The following TET3 variants were observed in gnomAD, a reference collection of about 807,000 sequenced individuals.
TET3 encodes methylcytosine dioxygenase TET3.
Under a neutral mutation model 141.4 loss-of-function variants are expected in TET3, and 19 were observed. The ratio of observed to expected loss-of-function variants is 0.13; its 90% CI spans 0.09 to 0.20. TET3 has a LOEUF of 0.20. Among genes scored for constraint, TET3 ranks in the 10% least tolerant of loss-of-function variants. TET3 has a pLI of 1.00. For synonymous variants in TET3, 1,043 were observed against 980.9 expected (o/e 1.06, Z -1.18); for missense variants, 1,874 against 2,356.9 (o/e 0.80, Z 4.24).
At chr2:74,039,893 T>C (rs1687254006) in intron 3 of TET3, among the ~76,000 whole-genome samples, 1 of 152,144 alleles carries the variant, frequency 6.6e-6, no homozygotes, top group African/African-American at 2.4e-5. Flanking sequence ...AGAAGCTGAA[T>C]TGCCTTTTAT....
chr2:74,128,824 C>T, the TET3 span, among the ~76,000 whole-genome samples: 3 of 150,782 alleles, frequency 2.0e-5, no homozygotes, highest in Non-Finnish European at 4.4e-5. Flanking sequence ...TCTACAACAA[C>T]AACAACAACA....
intron 2 of TET3, among the ~76,000 whole-genome samples, chr2:74,000,208 A>G (rs1355861015): frequency 6.6e-6 from 1 of 152,114 alleles, no homozygotes; most frequent in Admixed American, 6.5e-5. Context: ...CCTCAGGGAG[A>G]AGGCTGACCA....
the TET3 span, among the ~76,000 whole-genome samples, chr2:74,131,184 G>C: frequency 6.6e-6 from 1 of 152,206 alleles, no homozygotes; most frequent in Non-Finnish European, 1.5e-5. Context: ...TTTGCAGCCA[G>C]AATGGGAATC....
rs75783831 is a variant in TET3 at position 74,105,722 on chromosome 2, C to T, written c.*3546C>T. On this transcript the variant is annotated 3_prime_UTR_variant, in exon 12 of 12. Coordinates refer to ENST00000409262, the MANE Select transcript of TET3 (RefSeq NM_001287491.2). ...TAAAGCAAGGAAAGAAGTAGCAGAG[C>T]TTAACTGCTTTGTACCACACAGCAG... is the stretch of plus-strand genomic sequence containing the variant. 558 of 219,146 alleles carry T rather than the reference C, an allele frequency of 2.5e-3. 4 individuals carry two copies. Among genetic ancestry groups the T allele is most frequent in the African/African-American group, 0.012 (531 of 44,214 alleles). 13.6% of individuals were successfully genotyped at this position (219,146 alleles called of 1,614,324 possible).
At chr2:74,134,879 A>G in the TET3 span, 5 of 419,286 alleles carry the variant, frequency 1.2e-5, no homozygotes, top group Non-Finnish European at 2.5e-5. Flanking sequence ...CTGCAGCAGG[A>G]ATGGATGTCC....
the TET3 span, among the ~76,000 whole-genome samples, chr2:74,132,606 A>T: frequency 1.3e-5 from 2 of 152,120 alleles, no homozygotes. Flanking sequence ...GGCTGGTCAC[A>T]AACTCCTTGG....
chr2:74,003,086 A>G, intron 2 of TET3, 24 bp from the exon 3 acceptor site: 1 of 1,550,052 alleles, frequency 6.5e-7, no homozygotes, highest in East Asian at 2.4e-5. Context: ...CCTGGCTCAC[A>G]CGTTCCTCTG....
At chr2:74,021,093 G>T (rs906509243) in intron 3 of TET3, among the ~76,000 whole-genome samples, 9 of 152,212 alleles carry the variant, frequency 5.9e-5, no homozygotes, top group African/African-American at 2.2e-4. Flanking sequence ...TGGAAGTATT[G>T]CTCTATCTGC....
chr2:74,073,475 T>G, intron 4 of TET3, 74 bp from the exon 5 acceptor site: 1 of 1,167,094 alleles, frequency 8.6e-7, no homozygotes, highest in Non-Finnish European at 1.2e-6. Context: ...AACTTTCCTG[T>G]TGGTGGTTTG....
intron 2 of TET3, among the ~76,000 whole-genome samples, chr2:73,995,695 A>G (rs563447752): frequency 2.0e-5 from 3 of 152,306 alleles, no homozygotes; most frequent in African/African-American, 7.2e-5. Flanking sequence ...CATTTCTGCC[A>G]TCACAGGAGG....
intron 4 of TET3, among the ~76,000 whole-genome samples, chr2:74,059,452 G>A (rs1157741332): frequency 2.0e-5 from 3 of 151,994 alleles, no homozygotes; most frequent in Non-Finnish European, 2.9e-5. Flanking sequence ...ACAGGGTTTC[G>A]CCAGGTTGGC....
At chr2:74,049,619 A>G (rs1043292434) in intron 4 of TET3, among the ~76,000 whole-genome samples, 5 of 152,160 alleles carry the variant, frequency 3.3e-5, no homozygotes, top group African/African-American at 7.2e-5. Flanking sequence ...TTTGTGATAC[A>G]CAGACGGGTC....
Position 74,087,750 on chromosome 2 carries a change from G to A in TET3, c.2680-80G>A, listed in dbSNP as rs1294400412. On this transcript the variant is annotated intron_variant, in intron 6 of 11. Transcript: ENST00000409262. This position sits in a 1 kb window ranked among gnomAD's most constrained non-coding sequence, Gnocchi z 4.3. ...CCGTTAAGACCTGCACCCTGGGTCT[G>A]TGTGACAAAGGGAGGGGTGGCACCA... 1 of 1,390,114 alleles carries A rather than the reference G, an allele frequency of 7.2e-7. No individual in the cohort carries two copies. Among genetic ancestry groups the A allele is most frequent in the Non-Finnish European group, 9.7e-7 (1 of 1,034,250 alleles). 86.1% of individuals were successfully genotyped at this position (1,390,114 alleles called of 1,614,324 possible).
the TET3 span, among the ~76,000 whole-genome samples, chr2:74,125,174 G>T: frequency 2.0e-5 from 3 of 152,084 alleles, no homozygotes; most frequent in Non-Finnish European, 4.4e-5. Context: ...CAGAGACAGG[G>T]TTTCACCATG....
rs1691143309 is a variant in TET3, at chr2:74,100,691, G to A, written c.3903G>A (p.Leu1301=). The A allele has an allele frequency of 6.2e-7, 1 of 1,613,888 alleles. No individual in the cohort carries two copies. The highest frequency in any genetic ancestry group is 1.3e-5 in the African/African-American group (1 of 74,922). The stretch of plus-strand genomic sequence containing the variant: ...ACCCCGTCTTCCCCTCTCAGTTCCT[G>A]GGTCCTGGTGCCTGGGGGCACAGTG... ...SSNPVFPSQF[L]GPGAWGHSGS... Residue 1301 remains leucine (L), a synonymous_variant, in exon 12 of 12, where the codon CTG becomes CTA. Coordinates refer to ENST00000409262, the MANE Select transcript of TET3 (RefSeq NM_001287491.2).
chr2:74,018,936 C>CT (rs1685881371), intron 3 of TET3, among the ~76,000 whole-genome samples: 1 of 152,104 alleles, frequency 6.6e-6, no homozygotes, highest in Non-Finnish European at 1.5e-5. Context: ...TTATTCTAGT[C>CT]TTTTTTGTGT....
chr2:74,049,328 A>G (rs1687817522), intron 4 of TET3, among the ~76,000 whole-genome samples: 1 of 152,210 alleles, frequency 6.6e-6, no homozygotes, highest in African/African-American at 2.4e-5. Flanking sequence ...CCTAGTTAGC[A>G]TGCAAGTCAT....
chr2:74,087,811 A>G lies in TET3; in HGVS notation c.2680-19A>G, dbSNP rs1200428604. ...CACGGGTACCTGGCTCCTGCCCCTC[A>G]CACCCTGCGTCCCTGCAGGTGATCC... On this transcript the variant is annotated intron_variant, in intron 6 of 11. Coordinates refer to ENST00000409262, the MANE Select transcript of TET3 (RefSeq NM_001287491.2). This position sits in a 1 kb window ranked among gnomAD's most constrained non-coding sequence, Gnocchi z 4.3. 1 of 1,537,896 alleles carries G rather than the reference A, an allele frequency of 6.5e-7. No individual in the cohort carries two copies. The highest frequency in any genetic ancestry group is 2.0e-5 in the Admixed American group (1 of 50,448).
rs181205269 is a variant in TET3 at position 74,010,301 on chromosome 2, G to C, written c.360+7135G>C. On this transcript the variant is annotated intron_variant, in intron 3 of 11. Transcript: ENST00000409262. ...TCCAGATGCTGCCGCCTCCATGTGG[G>C]GGGTGTTGCTCCCCGCTGGGTCTTT... 3.0e-4 allele frequency among the ~76,000 whole-genome samples: 45 copies of C among 152,338 alleles called. No individual in the cohort carries two copies. The East Asian group carries it at 7.7e-3, about 26-fold the overall frequency.
Sources: gnomAD v4.1 joint callset for allele counts (sites outside exome capture counted in the v4.1 genomes callset) on GRCh38, gnomAD v4.1.1 for gene constraint, Gnocchi (gnomAD v3.1) non-coding constraint, MANE v1.5 for transcripts, NCBI Gene and HGNC (gene_info 2026-07-23, HGNC 2026-07-21) for gene names.